CELF4: variants seen among roughly 807,000 people sequenced by gnomAD.
The protein encoded by CELF4 is CUGBP Elav-like family member 4.
A neutral mutation model predicts 59.9 loss-of-function variants in CELF4; 18 were observed. That is an observed-to-expected ratio of 0.30 (90% CI 0.21 to 0.45). CELF4 has a LOEUF of 0.45. CELF4 is among the 20% of genes least tolerant of loss of function. The probability of loss-of-function intolerance (pLI) is 1.00; values close to 1 mark genes in which losing one functional copy is unlikely to be tolerated. For missense variants in CELF4, 456 were observed against 689.0 expected (o/e 0.66, Z 3.79); for synonymous variants, 261 against 267.1 (o/e 0.98, Z 0.22).
chr18:37,450,245 CGTGTGAGTGTTG>C (rs956450554), intron 2 of CELF4, among the ~76,000 whole-genome samples: 1 of 151,892 alleles, frequency 6.6e-6, no homozygotes, highest in African/African-American at 2.4e-5. Flanking sequence ...TGTGTGTATG[CGTGTGAGTGTTG>C]GGAGGAAGAA....
At chr18:37,304,803 C>A (rs1017105458) in intron 3 of CELF4, among the ~76,000 whole-genome samples, 3 of 152,224 alleles carry the variant, frequency 2.0e-5, no homozygotes, top group Non-Finnish European at 4.4e-5. Flanking sequence ...CTAAGCAGTG[C>A]TGCCCCTTCC....
At chr18:37,470,887 T>TGTGTGAGAGAGAGAGA (rs1325788685) in intron 2 of CELF4, among the ~76,000 whole-genome samples, 2 of 71,928 alleles carry the variant, frequency 2.8e-5, no homozygotes, top group African/African-American at 1.1e-4. Context: ...TGTGTGTGTG[T>TGTGTGAGAGAGAGAGA]GACAGAGAGA....
intron 2 of CELF4, among the ~76,000 whole-genome samples, chr18:37,346,886 T>C (rs2098279102): frequency 6.6e-6 from 1 of 152,094 alleles, no homozygotes; most frequent in Non-Finnish European, 1.5e-5. Context: ...GGTGTCTGTC[T>C]TCCAGCAGCA....
intron 6 of CELF4, chr18:37,273,439 G>T: frequency 3.4e-6 from 4 of 1,183,284 alleles, no homozygotes; most frequent in South Asian, 5.9e-5. Context: ...CTGGCTCTGT[G>T]GGTGCTAGTC....
At chr18:37,375,595 T>G (rs2098959079) in intron 2 of CELF4, among the ~76,000 whole-genome samples, 1 of 152,116 alleles carries the variant, frequency 6.6e-6, no homozygotes, top group African/African-American at 2.4e-5. Flanking sequence ...ATTTCCAGAC[T>G]GCAGAGAGGG....
At chr18:37,344,131 G>A (rs2098161260) in intron 2 of CELF4, among the ~76,000 whole-genome samples, 1 of 152,214 alleles carries the variant, frequency 6.6e-6, no homozygotes, top group African/African-American at 2.4e-5. Context: ...GGCTTGATGT[G>A]GCTCATTCAG....
At chr18:37,356,560 G>A (rs770524441) in intron 2 of CELF4, among the ~76,000 whole-genome samples, 17 of 152,146 alleles carry the variant, frequency 1.1e-4, no homozygotes, top group Non-Finnish European at 2.1e-4. Context: ...GAGGTCAGAG[G>A]TGCAGAGAGT....
intron 2 of CELF4, among the ~76,000 whole-genome samples, chr18:37,386,378 G>C (rs1282952457): frequency 6.6e-6 from 1 of 152,218 alleles, no homozygotes; most frequent in Non-Finnish European, 1.5e-5. Flanking sequence ...ACAGTGGTAG[G>C]AGGCTGAGCG....
intron 1 of CELF4, among the ~76,000 whole-genome samples, chr18:37,558,381 GTTTTT>G (rs140019882): frequency 0.76 from 106,257 of 139,898 alleles, 42,156 homozygotes; most frequent in Non-Finnish European, 0.87. Flanking sequence ...CCCTGTAACA[GTTTTT>G]TTTTTTTTTT....
intron 1 of CELF4, among the ~76,000 whole-genome samples, chr18:37,560,904 A>C (rs2099986324): frequency 6.6e-6 from 1 of 152,270 alleles, no homozygotes; most frequent in African/African-American, 2.4e-5. Context: ...AATACAAGAC[A>C]TAATTTTATG....
intron 1 of CELF4, among the ~76,000 whole-genome samples, chr18:37,532,454 G>A (rs1410737577): frequency 6.6e-6 from 1 of 152,188 alleles, no homozygotes; most frequent in Non-Finnish European, 1.5e-5. Flanking sequence ...TTTTGGGGAG[G>A]CTGTACCCCA....
chr18:37,291,232 G>A (rs977392792), intron 3 of CELF4, among the ~76,000 whole-genome samples: 2 of 152,108 alleles, frequency 1.3e-5, no homozygotes, highest in African/African-American at 4.8e-5. Flanking sequence ...AACATGAGTC[G>A]GCATTTCTGG....
chr18:37,376,443 C>A (rs1237222051), intron 2 of CELF4, among the ~76,000 whole-genome samples: 1 of 152,218 alleles, frequency 6.6e-6, no homozygotes, highest in Admixed American at 6.5e-5. Context: ...ACCCTGCATC[C>A]ATTCCCACCT....
At chr18:37,559,343 C>CTGCA (rs1383894341) in intron 1 of CELF4, among the ~76,000 whole-genome samples, 1 of 152,152 alleles carries the variant, frequency 6.6e-6, no homozygotes, top group African/African-American at 2.4e-5. Flanking sequence ...CCCACACAGG[C>CTGCA]TGCAGCATCT....
In CELF4 at chr18:37,451,039, G is replaced by T. The variant is rs189550430; in HGVS notation, c.369+34486C>A. 2.6e-5 allele frequency among the ~76,000 whole-genome samples: 4 copies of T among 152,314 alleles called. No individual in the cohort carries two copies. In the East Asian group the frequency reaches 7.7e-4, roughly 29 times the overall value. On this transcript the variant is annotated intron_variant, in intron 2 of 12. Transcript: ENST00000420428. The stretch of plus-strand genomic sequence containing the variant: ...CACATGTTGCAGTTTCTATCTGAAG[G>T]AGCCCCAGGGACATGGAGATGGTGG...
chr18:37,330,465 G>A (rs1473967371), intron 2 of CELF4, among the ~76,000 whole-genome samples: 1 of 152,162 alleles, frequency 6.6e-6, no homozygotes, highest in Non-Finnish European at 1.5e-5. Context: ...TTAATAAATC[G>A]CATATGGTGC....
At chr18:37,344,246 C>T (rs1029549617) in intron 2 of CELF4, among the ~76,000 whole-genome samples, 8 of 152,234 alleles carry the variant, frequency 5.3e-5, no homozygotes, top group African/African-American at 1.4e-4. Context: ...TCCCCACTGA[C>T]CTGCCCCATG....
At chr18:37,562,025 T>C (rs1220064564) in intron 1 of CELF4, among the ~76,000 whole-genome samples, 1 of 152,206 alleles carries the variant, frequency 6.6e-6, no homozygotes, top group Admixed American at 6.5e-5. Context: ...TTTCTCTCTC[T>C]GCCTAGCACC....
At chr18:37,504,923 A>G (rs2099936027) in intron 1 of CELF4, among the ~76,000 whole-genome samples, 1 of 152,216 alleles carries the variant, frequency 6.6e-6, no homozygotes, top group Non-Finnish European at 1.5e-5. Flanking sequence ...GCCACAAACA[A>G]TTTGAGGGCC....
Sources: allele counts gnomAD v4.1 joint callset (sites outside exome capture counted in the v4.1 genomes callset), GRCh38; gene constraint gnomAD v4.1.1; transcripts MANE v1.5; gene names NCBI Gene and HGNC (gene_info 2026-07-23, HGNC 2026-07-21).